Variants in KMT2A observed in about 807,000 individuals in gnomAD.
KMT2A encodes histone-lysine N-methyltransferase 2A.
In KMT2A, 16 loss-of-function variants were observed where a neutral mutation model predicts 345.3. The observed-to-expected ratio is 0.05, with a 90% confidence interval of 0.03 to 0.07. KMT2A has a LOEUF of 0.07. Among genes scored for constraint, KMT2A ranks in the 10% least tolerant of loss-of-function variants. The pLI is 1.00. For missense variants in KMT2A, 3,272 were observed against 4,841.6 expected, an observed-to-expected ratio of 0.68 and a Z score of 9.62; for synonymous variants, 1,599 against 1,778.6, an observed-to-expected ratio of 0.90 and a Z score of 2.54.
chr11:118,488,987 A>G (rs1555041731), intron 11 of KMT2A, among the ~76,000 whole-genome samples: 1 of 152,164 alleles, frequency 6.6e-6, no homozygotes, highest in Non-Finnish European at 1.5e-5. Flanking sequence ...TTTAAAGTAT[A>G]TGGTGGGCGG....
Position 118,502,287 on chromosome 11 carries a change from T to C in KMT2A, c.6506-111T>C, listed in dbSNP as rs895596074. The C allele has an allele frequency of 3.3e-6, 2 of 604,756 alleles. No homozygotes were observed. Among genetic ancestry groups the C allele is most frequent in the East Asian group, 3.2e-5 (1 of 31,248 alleles). The allele number at this position is 604,756 out of a possible 1,614,324, so 37.5% of individuals were successfully genotyped here. On this transcript the variant is annotated intron_variant, in intron 26 of 35. Coordinates refer to ENST00000534358, the MANE Select transcript of KMT2A (RefSeq NM_001197104.2). This position sits in a 1 kb window ranked among gnomAD's most constrained non-coding sequence, Gnocchi z 4.9. ...ATAATAAATAAATAGAAAATGTAGA[T>C]TTCCAGTTACCTATAAATATATATA...
intron 23 of KMT2A, 32 bp downstream of exon 23, chr11:118,499,452 T>C: frequency 1.5e-6 from 2 of 1,341,178 alleles, no homozygotes; most frequent in Non-Finnish European, 2.1e-6. Flanking sequence ...TGGGGAAGGC[T>C]GTATATATCA....
intron 23 of KMT2A, 109 bp from the exon 24 acceptor site, chr11:118,499,726 G>C: frequency 1.2e-6 from 1 of 811,636 alleles, no homozygotes; most frequent in South Asian, 1.5e-5. Context: ...GCTGCAGTGA[G>C]CTGAGATTGC....
rs148458977 is a variant in KMT2A, at chr11:118,476,811, G to C, written c.3163G>C (p.Glu1055Gln). Reference sequence around the variant, plus strand: ...TGGATTGCCTCATATTCAGGGTCAAGAAAGTGACTCATCAGAGACCTCTGT... The same window carrying C: ...TGGATTGCCTCATATTCAGGGTCAACAAAGTGACTCATCAGAGACCTCTGT... ...QTDQPKAQGQ[E>Q]SDSSETSVRG... The change falls in exon 4 of 36, where the codon GAA becomes CAA. Residue 1055 changes from glutamate to glutamine, a missense_variant. Transcript: ENST00000534358. The surrounding 1 kb of genome is among the most constrained non-coding windows in gnomAD (Gnocchi z 4.1). The C allele has an allele frequency of 7.5e-6, 12 of 1,605,722 alleles. No individual in the cohort carries two copies. The highest frequency in any genetic ancestry group is 1.0e-5 in the Non-Finnish European group (12 of 1,173,352).
At position 118,497,955 on chromosome 11, in the gene KMT2A, A is replaced by G. The variant is rs143373748; in HGVS notation, c.5684A>G (p.Tyr1895Cys). 1 of 1,612,524 alleles carries G rather than the reference A, an allele frequency of 6.2e-7. No homozygotes were observed. Among genetic ancestry groups the G allele is most frequent in the Non-Finnish European group, 8.5e-7 (1 of 1,178,488 alleles). ...TTATAGGATGCTGGTCGTTTACTAT[A>G]TATTGGCCAAAATGAGTGGACACAT... ...DSANDAGRLL[Y>C]IGQNEWTHVN... Residue 1895 changes from tyrosine to cysteine, a missense_variant, in exon 21 of 36, where the codon TAT becomes TGT. Coordinates refer to ENST00000534358, the MANE Select transcript of KMT2A (RefSeq NM_001197104.2). The surrounding 1 kb of genome is among the most constrained non-coding windows in gnomAD (Gnocchi z 4.8).
chr11:118,463,386 T>C (rs956988257), intron 1 of KMT2A, among the ~76,000 whole-genome samples: 6 of 152,244 alleles, frequency 3.9e-5, no homozygotes, highest in East Asian at 1.9e-4. Context: ...TATTTAGCAA[T>C]GTAGTCCCCT....
At chr11:118,507,424 G>A in intron 27 of KMT2A, 105 bp from the exon 28 acceptor site, 1 of 978,216 alleles carries the variant, frequency 1.0e-6, no homozygotes, top group Non-Finnish European at 1.6e-6. Flanking sequence ...CTGGCTTATA[G>A]ACTTTATCAG....
At chr11:118,470,554 G>A (rs557066711) in intron 2 of KMT2A, among the ~76,000 whole-genome samples, 9 of 152,264 alleles carry the variant, frequency 5.9e-5, no homozygotes, top group African/African-American at 1.9e-4. Context: ...AGGATATGTT[G>A]AGAAAGGAGC....
Position 118,481,734 on chromosome 11 carries a change from A to G in KMT2A, c.3654A>G (p.Lys1218=), listed in dbSNP as rs1950136284. ...KQAKAVKKKE[K]KSKTSEKKDS... is the part of the protein sequence containing the mutation. ...CCTCAGCTGTGAAAAAGAAAGAGAA[A>G]AAGTCTAAGACCAGTGAAAAGAAAG... is the stretch of plus-strand genomic sequence containing the variant. The change falls in exon 7 of 36, where the codon AAA becomes AAG. Residue 1218 remains lysine (K), a synonymous_variant. Transcript: ENST00000534358. 2 of 1,609,282 alleles carry G rather than the reference A, an allele frequency of 1.2e-6. No individual in the cohort carries two copies. The highest frequency in any genetic ancestry group is 1.7e-6 in the Non-Finnish European group (2 of 1,178,378).
In KMT2A at chr11:118,506,592, C is replaced by T. The variant is rs782271033; in HGVS notation, c.10700C>T (p.Ser3567Phe). 17 of 1,613,628 alleles carry T rather than the reference C, an allele frequency of 1.1e-5. No homozygotes were observed. Among genetic ancestry groups the T allele is most frequent in the Non-Finnish European group, 1.3e-5 (15 of 1,179,768 alleles). The change falls in exon 27 of 36, where the codon TCT becomes TTT. Residue 3567 changes from serine to phenylalanine, a missense_variant. Physicochemically the swap from Ser to Phe is radical, Grantham distance 155 (BLOSUM62 -2). Around this residue, in one of 27 missense-constraint regions of KMT2A, gnomAD observed 748 missense variants for 922.2 expected, o/e 0.81. Transcript: ENST00000534358. Reference protein sequence around the residue: ...KHKVSHLRTSSSEAHIPDQET... With the variant: ...KHKVSHLRTSFSEAHIPDQET... ...AAAGTTTCCCATTTGCGGACCAGTT[C>T]TTCTGAAGCACACATTCCAGACCAA...
intron 22 of KMT2A, 64 bp from the exon 23 acceptor site, chr11:118,499,239 C>A: frequency 2.0e-6 from 2 of 1,003,944 alleles, no homozygotes; most frequent in South Asian, 1.3e-5. Context: ...CTGAGACAGT[C>A]AGGATCATAA....
Position 118,480,258 on chromosome 11 carries a change from C to G in KMT2A, c.3634+20C>G, listed in dbSNP as rs782329775. The G allele has an allele frequency of 6.2e-7, 1 of 1,601,964 alleles. No individual in the cohort carries two copies. Among genetic ancestry groups the G allele is most frequent in the East Asian group, 2.2e-5 (1 of 44,792 alleles). ...CTAAAGGTAGTGTTGTTAAAAAGGT[C>G]TTCCCCCAAATGCTCCTTGCTTAAA... On this transcript the variant is annotated intron_variant, in intron 6 of 35. Transcript: ENST00000534358.
chr11:118,495,633 T>G lies in KMT2A; in HGVS notation c.5364-67T>G. On this transcript the variant is annotated intron_variant, in intron 18 of 35. Coordinates refer to ENST00000534358, the MANE Select transcript of KMT2A (RefSeq NM_001197104.2). The surrounding 1 kb of genome is among the most constrained non-coding windows in gnomAD (Gnocchi z 4.1). ...TGGGGCAACAGGTGATATCAAGAAT[T>G]TATTTTATACAGTTCTAGGTATACT... 1 of 1,257,532 alleles carries G rather than the reference T, an allele frequency of 8.0e-7. No individual in the cohort carries two copies. The highest frequency in any genetic ancestry group is 2.5e-5 in the Admixed American group (1 of 39,736). 77.9% of individuals were successfully genotyped at this position (1,257,532 alleles called of 1,614,324 possible). A position where few individuals can be genotyped will look rare whatever the true frequency, so the allele number is the denominator to read the frequency against.
Position 118,506,142 on chromosome 11 carries a change from C to T in KMT2A, c.10250C>T (p.Thr3417Ile), listed in dbSNP as rs782727086. The change falls in exon 27 of 36, where the codon ACC becomes ATC. Residue 3417 changes from threonine to isoleucine, a missense_variant. Physicochemically the swap from Thr to Ile is moderately conservative, Grantham distance 89. Coordinates refer to ENST00000534358, the MANE Select transcript of KMT2A (RefSeq NM_001197104.2). ...TTTCCACAACTGGGGACATCACAGA[C>T]CCCCTCTACTGCTGCAATAACAGCG... ...GMFPQLGTSQ[T>I]PSTAAITAAS... 1.2e-6 allele frequency: 2 copies of T among 1,614,172 alleles called. No individual in the cohort carries two copies. Among genetic ancestry groups the T allele is most frequent in the South Asian group, 1.1e-5 (1 of 91,078 alleles).
rs782132712 is a variant in KMT2A at position 118,489,793 on chromosome 11, A to T, written c.4481A>T (p.Gln1494Leu). ...VCGRQHQATK[Q>L]LLECNKCRNS... The stretch of plus-strand genomic sequence containing the variant: ...TTTTGCCATTATATTTTCTTACAGC[A>T]GCTGCTGGAGTGTAATAAGTGCCGA... The change falls in exon 12 of 36, where the codon CAG (glutamine) becomes CTG (leucine). Residue 1494 changes from glutamine to leucine, a missense_variant and splice_region_variant. Transcript: ENST00000534358. The T allele has an allele frequency of 1.9e-6, 3 of 1,613,928 alleles. No individual in the cohort carries two copies. The highest frequency in any genetic ancestry group is 2.5e-6 in the Non-Finnish European group (3 of 1,179,816).
chr11:118,455,092 G>A (rs1251988386), intron 1 of KMT2A, among the ~76,000 whole-genome samples: 10 of 152,094 alleles, frequency 6.6e-5, no homozygotes, highest in African/African-American at 1.9e-4. Flanking sequence ...CAGTGGCTCA[G>A]TCAGTTCACT....
intron 6 of KMT2A, 24 bp from the exon 7 acceptor site, chr11:118,481,691 G>T (rs782664461): frequency 1.3e-6 from 2 of 1,593,014 alleles, no homozygotes; most frequent in Non-Finnish European, 1.7e-6. Context: ...ATAGACAGAT[G>T]ATGTTGTTGT....
intron 6 of KMT2A, 140 bp downstream of exon 6, chr11:118,480,378 G>A (rs1431261628): frequency 4.0e-6 from 2 of 498,750 alleles, no homozygotes; most frequent in East Asian, 3.3e-5. Context: ...CTAGGTAATA[G>A]GTACATGGGG....
chr11:118,480,302 A>G (rs1198260718), intron 6 of KMT2A, 64 bp downstream of exon 6: 1 of 1,228,596 alleles, frequency 8.1e-7, no homozygotes, highest in East Asian at 2.3e-5. Flanking sequence ...AGTTGTATAC[A>G]CCCAGTAGAA....
Sources: gnomAD v4.1 joint callset for allele counts (sites outside exome capture counted in the v4.1 genomes callset) on GRCh38, gnomAD v4.1.1 for gene constraint, gnomAD v4.1.1 regional missense constraint, Gnocchi (gnomAD v3.1) non-coding constraint, MANE v1.5 for transcripts, NCBI Gene and HGNC (gene_info 2026-07-23, HGNC 2026-07-21) for gene names.